The following RIC8B variants were observed in gnomAD, a reference collection of about 807,000 sequenced individuals.
The protein encoded by RIC8B is RIC8 guanine nucleotide exchange factor B, also known as chaperone Ric-8B.
In RIC8B, 16 loss-of-function variants were observed where a neutral mutation model predicts 57.5. The ratio of observed to expected loss-of-function variants is 0.28; its 90% CI spans 0.19 to 0.42. The LOEUF is 0.42. Ranked by LOEUF, RIC8B falls within the 10% of genes least tolerant of loss-of-function variation. The pLI, the probability that RIC8B is intolerant of heterozygous loss-of-function variation, is 1.00. For missense variants in RIC8B, 481 were observed against 677.0 expected (o/e 0.71, Z 3.21); for synonymous variants, 216 against 250.8 (o/e 0.86, Z 1.31).
At chr12:106,826,259 A>T (rs1292575109) in intron 4 of RIC8B, among the ~76,000 whole-genome samples, 1 of 152,222 alleles carries the variant, frequency 6.6e-6, no homozygotes, top group East Asian at 1.9e-4. Flanking sequence ...GCATAGAAAG[A>T]TCAAGCAATT....
intron 8 of RIC8B, among the ~76,000 whole-genome samples, chr12:106,868,802 C>T (rs1334113421): frequency 7.0e-6 from 1 of 143,240 alleles, no homozygotes; most frequent in East Asian, 2.0e-4. Flanking sequence ...CACACACACA[C>T]ACACACACAC....
chr12:106,835,009 A>AG (rs2046529924), intron 4 of RIC8B, among the ~76,000 whole-genome samples: 1 of 149,650 alleles, frequency 6.7e-6, no homozygotes, highest in Non-Finnish European at 1.5e-5. Flanking sequence ...AAAAAAAAAA[A>AG]GTAGAACTCT....
intron 1 of RIC8B, chr12:106,775,303 A>G (rs151085715): frequency 0.014 from 6,188 of 456,102 alleles, 68 homozygotes; most frequent in Middle Eastern, 0.022. Flanking sequence ...TGTCTCATCT[A>G]TGGTCTCCTT....
At chr12:106,869,436 T>C (rs1466761748) in intron 8 of RIC8B, among the ~76,000 whole-genome samples, 1 of 151,770 alleles carries the variant, frequency 6.6e-6, no homozygotes, top group African/African-American at 2.4e-5. Flanking sequence ...GTCTTTGTCT[T>C]GGCCAGTATC....
At chr12:106,885,760 A>C in intron 9 of RIC8B, 144 bp from the exon 10 acceptor site, 6 of 596,404 alleles carry the variant, frequency 1.0e-5, no homozygotes. Context: ...CCTATTACAA[A>C]CACACAGAGA....
chr12:106,779,868 C>CTTTTTTT (rs34745029), intron 1 of RIC8B, among the ~76,000 whole-genome samples: 6 of 98,940 alleles, frequency 6.1e-5, no homozygotes, highest in Non-Finnish European at 1.0e-4. Flanking sequence ...GGGGCCTGTT[C>CTTTTTTT]TTTTTTTTTT....
chr12:106,876,377 T>G (rs1384141945), intron 9 of RIC8B, among the ~76,000 whole-genome samples: 1 of 152,188 alleles, frequency 6.6e-6, no homozygotes, highest in Non-Finnish European at 1.5e-5. Flanking sequence ...CCTATTCTTT[T>G]TCAATGTGGC....
intron 1 of RIC8B, among the ~76,000 whole-genome samples, chr12:106,779,881 T>C (rs1336297718): frequency 3.0e-5 from 3 of 100,682 alleles, no homozygotes; most frequent in African/African-American, 1.6e-4. Context: ...TTTTTTTTTT[T>C]TTTTTTTTGT....
At chr12:106,856,067 G>A (rs1411968897) in intron 7 of RIC8B, among the ~76,000 whole-genome samples, 3 of 152,104 alleles carry the variant, frequency 2.0e-5, no homozygotes, top group Admixed American at 6.6e-5. Context: ...ACCTGTAGAA[G>A]TCATAATCAC....
intron 2 of RIC8B, among the ~76,000 whole-genome samples, 192 bp downstream of exon 2, chr12:106,784,236 T>G (rs1490896897): frequency 6.6e-6 from 1 of 152,188 alleles, no homozygotes; most frequent in Non-Finnish European, 1.5e-5. Context: ...TCTTTCCTCC[T>G]TTGTCCTCGC....
intron 4 of RIC8B, among the ~76,000 whole-genome samples, chr12:106,836,520 A>C (rs1162006163): frequency 6.6e-6 from 1 of 152,096 alleles, no homozygotes; most frequent in Non-Finnish European, 1.5e-5. Context: ...AGTTTATGGC[A>C]CCTCCAGCTT....
chr12:106,783,894 C>A, intron 1 of RIC8B, 103 bp from the exon 2 acceptor site: 2 of 1,009,538 alleles, frequency 2.0e-6, no homozygotes, highest in Non-Finnish European at 3.0e-6. Flanking sequence ...TACGGGAAGG[C>A]AACATTTTTT....
intron 4 of RIC8B, among the ~76,000 whole-genome samples, chr12:106,836,543 G>A (rs1279438933): frequency 2.6e-5 from 4 of 152,144 alleles, no homozygotes; most frequent in Non-Finnish European, 5.9e-5. Context: ...CACTTGCTAA[G>A]GCTAGAACTT....
chr12:106,779,847 G>A (rs1317070626), intron 1 of RIC8B, among the ~76,000 whole-genome samples: 1 of 146,164 alleles, frequency 6.8e-6, no homozygotes, highest in Non-Finnish European at 1.5e-5. Flanking sequence ...TCAAGCTCTT[G>A]CTCCCCCACG....
chr12:106,854,521 G>A (rs1485752582), intron 7 of RIC8B, among the ~76,000 whole-genome samples: 2 of 152,080 alleles, frequency 1.3e-5, no homozygotes, highest in Non-Finnish European at 2.9e-5. Context: ...GGCCAGGCGC[G>A]GTGGCTCATG....
intron 2 of RIC8B, among the ~76,000 whole-genome samples, chr12:106,800,008 A>G (rs1490387572): frequency 6.6e-6 from 1 of 152,166 alleles, no homozygotes; most frequent in Non-Finnish European, 1.5e-5. Flanking sequence ...GCTTGTGAGC[A>G]GCTGCCATGT....
intron 2 of RIC8B, among the ~76,000 whole-genome samples, chr12:106,799,116 A>C (rs988535414): frequency 6.6e-6 from 1 of 152,256 alleles, no homozygotes; most frequent in African/African-American, 2.4e-5. Context: ...GACACTGTAG[A>C]ATCTATAGAA....
chr12:106,853,194 T>A (rs1160520467), intron 7 of RIC8B, among the ~76,000 whole-genome samples: 2 of 151,924 alleles, frequency 1.3e-5, no homozygotes, highest in African/African-American at 4.8e-5. Flanking sequence ...TAAGTGTATA[T>A]CTAAATATAT....
chr12:106,786,211 G>A (rs536668247), intron 2 of RIC8B, among the ~76,000 whole-genome samples: 11 of 142,818 alleles, frequency 7.7e-5, no homozygotes, highest in African/African-American at 2.4e-4. Context: ...GTGCAGTGGC[G>A]CCATCTCAGC....
Sources: allele counts gnomAD v4.1 joint callset (sites outside exome capture counted in the v4.1 genomes callset), GRCh38; gene constraint gnomAD v4.1.1; transcripts MANE v1.5; gene names NCBI Gene and HGNC (gene_info 2026-07-23, HGNC 2026-07-21).